XRCC4: variants seen among roughly 807,000 people sequenced by gnomAD.
XRCC4 encodes DNA repair protein XRCC4.
In XRCC4, 28 loss-of-function variants were observed where a neutral mutation model predicts 39.1. That is an observed-to-expected ratio of 0.72 (90% CI 0.53 to 0.98). The LOEUF (loss-of-function observed/expected upper bound fraction) is 0.98. XRCC4 is among the 50% of genes least tolerant of loss of function. The pLI is 0.00. For missense variants in XRCC4, 350 were observed against 376.4 expected, an observed-to-expected ratio of 0.93 and a Z score of 0.58; for synonymous variants, 123 against 126.4, an observed-to-expected ratio of 0.97 and a Z score of 0.18.
chr5:83,197,754 AT>A (rs1396374836), intron 4 of XRCC4, among the ~76,000 whole-genome samples: 3 of 151,982 alleles, frequency 2.0e-5, no homozygotes, highest in East Asian at 1.9e-4. Flanking sequence ...TGATCCAGCT[AT>A]TTTTTTGATA....
intron 7 of XRCC4, among the ~76,000 whole-genome samples, chr5:83,296,603 G>A (rs1003321872): frequency 2.0e-5 from 3 of 151,662 alleles, no homozygotes; most frequent in African/African-American, 7.3e-5. Flanking sequence ...TATTTTTTGT[G>A]GTACATGAAT....
Position 83,223,831 on chromosome 5 carries a change from CT to C in XRCC4, c.745+18911del, listed in dbSNP as rs1212003546. 2.2e-3 allele frequency among the ~76,000 whole-genome samples: 221 copies of C among 99,160 alleles called. 1 individual carries two copies. The highest frequency in any genetic ancestry group is 8.5e-3 in the African/African-American group (210 of 24,778). The allele number at this position is 99,160 out of a possible 152,430, so 65.1% of individuals were successfully genotyped here. ...TATCTCCTAATGCTATCCCTCCCCC[CT>C]CCCCCCACCCCATGACAGGCCCCAG... On this transcript the variant is annotated intron_variant, in intron 6 of 7. Coordinates refer to ENST00000396027, the MANE Select transcript of XRCC4 (RefSeq NM_003401.5).
chr5:83,167,717 A>C (rs1053247093), intron 3 of XRCC4, among the ~76,000 whole-genome samples: 8 of 152,226 alleles, frequency 5.3e-5, no homozygotes, highest in South Asian at 2.1e-4. Flanking sequence ...TCTCAAGATA[A>C]GAGATAGTGA....
intron 6 of XRCC4, among the ~76,000 whole-genome samples, chr5:83,253,567 G>C (rs1218861650): frequency 6.6e-6 from 1 of 151,848 alleles, no homozygotes; most frequent in Non-Finnish European, 1.5e-5. Flanking sequence ...CGGGGCAAGG[G>C]GAAGAGAGGT....
chr5:83,337,874 C>T (rs1756639880), intron 7 of XRCC4, among the ~76,000 whole-genome samples: 1 of 152,116 alleles, frequency 6.6e-6, no homozygotes, highest in African/African-American at 2.4e-5. Context: ...TTCACAGAAA[C>T]AATGACATAT....
At chr5:83,267,919 G>A (rs1754014145) in intron 7 of XRCC4, among the ~76,000 whole-genome samples, 2 of 152,144 alleles carry the variant, frequency 1.3e-5, no homozygotes. Flanking sequence ...AAGCTGGCAA[G>A]GTAGGCAGAA....
chr5:83,308,648 T>TAAC (rs1029970644), intron 7 of XRCC4, among the ~76,000 whole-genome samples: 2 of 152,232 alleles, frequency 1.3e-5, no homozygotes, highest in African/African-American at 4.8e-5. Flanking sequence ...GTGTTTTACC[T>TAAC]AACAAACAGA....
chr5:83,267,845 T>A (rs1482799191), intron 7 of XRCC4, among the ~76,000 whole-genome samples: 1 of 152,140 alleles, frequency 6.6e-6, no homozygotes, highest in Non-Finnish European at 1.5e-5. Context: ...AACAAACGCA[T>A]GGAGAAAGTC....
At chr5:83,209,005 C>A (rs1355615296) in intron 6 of XRCC4, among the ~76,000 whole-genome samples, 1 of 151,722 alleles carries the variant, frequency 6.6e-6, no homozygotes, top group African/African-American at 2.4e-5. Flanking sequence ...ATCACTTTCA[C>A]CCCTATCTAG....
intron 7 of XRCC4, among the ~76,000 whole-genome samples, chr5:83,326,866 G>A (rs1756279257): frequency 6.6e-6 from 1 of 151,968 alleles, no homozygotes; most frequent in Non-Finnish European, 1.5e-5. Flanking sequence ...GGATTGCTAA[G>A]GAATTCTTAT....
At chr5:83,143,184 C>T (rs1363624141) in intron 3 of XRCC4, among the ~76,000 whole-genome samples, 4 of 152,070 alleles carry the variant, frequency 2.6e-5, no homozygotes, top group Non-Finnish European at 5.9e-5. Flanking sequence ...AGTCCTGCTC[C>T]AGTGCTGTTT....
At chr5:83,360,338 G>A in the XRCC4 span, among the ~76,000 whole-genome samples, 1 of 152,022 alleles carries the variant, frequency 6.6e-6, no homozygotes, top group Non-Finnish European at 1.5e-5. Context: ...AATAATTAGG[G>A]AAATTCAACC....
chr5:83,356,767 C>T (rs1757194459), downstream of XRCC4: 1 of 454,184 alleles, frequency 2.2e-6, no homozygotes, highest in African/African-American at 2.0e-5. Flanking sequence ...ATGGAAGGCA[C>T]AGAAATTGAG....
At chr5:83,232,644 G>C (rs953269713) in intron 6 of XRCC4, among the ~76,000 whole-genome samples, 18 of 152,024 alleles carry the variant, frequency 1.2e-4, no homozygotes, top group Admixed American at 1.3e-4. Flanking sequence ...AATTCTTCTA[G>C]ATATCCTCCT....
Position 83,326,824 on chromosome 5 carries a change from G to T in XRCC4, c.894-26307G>T, listed in dbSNP as rs540523874. On this transcript the variant is annotated intron_variant, in intron 7 of 7. Transcript: ENST00000396027. ...CTTGACAATTTGACACTAGCAAACT[G>T]CCTTCCTCAATTGCTTGTCCCCATT... Among the ~76,000 whole-genome samples the T allele has an allele frequency of 1.1e-4, 17 of 152,140 alleles. No individual in the cohort carries two copies. The South Asian group carries it at 3.5e-3, about 32-fold the overall frequency.
At chr5:83,348,575 G>T (rs1412858342) in intron 7 of XRCC4, among the ~76,000 whole-genome samples, 1 of 152,222 alleles carries the variant, frequency 6.6e-6, no homozygotes, top group Non-Finnish European at 1.5e-5. Flanking sequence ...CCCTTGGGCT[G>T]GCCCACAAAA....
chr5:83,078,103 A>G (rs2112261103), intron 1 of XRCC4, among the ~76,000 whole-genome samples: 1 of 152,368 alleles, frequency 6.6e-6, no homozygotes, highest in Admixed American at 6.5e-5. Flanking sequence ...AATGGGAAGG[A>G]ACTGCCGTTT....
At chr5:83,094,159 T>C (rs1029943995) in intron 1 of XRCC4, among the ~76,000 whole-genome samples, 2 of 152,186 alleles carry the variant, frequency 1.3e-5, no homozygotes, top group East Asian at 3.9e-4. Flanking sequence ...TCCTTCTGAT[T>C]AGGGAACTTT....
intron 1 of XRCC4, among the ~76,000 whole-genome samples, chr5:83,083,472 G>C (rs749889818): frequency 6.6e-6 from 1 of 151,090 alleles, no homozygotes; most frequent in Non-Finnish European, 1.5e-5. Context: ...TGCCTCCTGG[G>C]TTCCAGCAAT....
Sources: allele counts gnomAD v4.1 joint callset (sites outside exome capture counted in the v4.1 genomes callset), GRCh38; gene constraint gnomAD v4.1.1; transcripts MANE v1.5; gene names NCBI Gene and HGNC (gene_info 2026-07-23, HGNC 2026-07-21).